ZNF521: variants seen among roughly 807,000 people sequenced by gnomAD.
ZNF521 encodes LYST-interacting protein 3.
Under a neutral mutation model 105.5 loss-of-function variants are expected in ZNF521, and 14 were observed. That is an observed-to-expected ratio of 0.13 (90% CI 0.09 to 0.21). ZNF521 has a LOEUF of 0.21. Among genes scored for constraint, ZNF521 ranks in the 10% least tolerant of loss-of-function variants. The pLI, the probability that ZNF521 is intolerant of heterozygous loss-of-function variation, is 1.00. For synonymous variants in ZNF521, 635 were observed against 606.0 expected (o/e 1.05, Z -0.70); for missense variants, 1,233 against 1,629.7 (o/e 0.76, Z 4.19).
At chr18:25,317,082 C>A (rs1405063082) in intron 3 of ZNF521, among the ~76,000 whole-genome samples, 2 of 152,126 alleles carry the variant, frequency 1.3e-5, no homozygotes, top group African/African-American at 2.4e-5. Context: ...GTCTCAAATT[C>A]CTGACCTCAG....
At chr18:25,277,746 T>C (rs1467065254) in intron 3 of ZNF521, among the ~76,000 whole-genome samples, 1 of 152,214 alleles carries the variant, frequency 6.6e-6, no homozygotes, top group African/African-American at 2.4e-5. Context: ...GAAACATTAC[T>C]AAAGCCACAA....
chr18:25,074,894 C>T (rs2033322897), intron 7 of ZNF521, among the ~76,000 whole-genome samples: 1 of 152,136 alleles, frequency 6.6e-6, no homozygotes, highest in Admixed American at 6.5e-5. Flanking sequence ...TGTGCTGTAG[C>T]TATGGTGAGA....
intron 5 of ZNF521, among the ~76,000 whole-genome samples, chr18:25,145,217 C>T (rs761998663): frequency 2.6e-5 from 4 of 152,176 alleles, no homozygotes; most frequent in South Asian, 2.1e-4. Context: ...CTTAACTACA[C>T]AAAGCCAGTT....
intron 2 of ZNF521, among the ~76,000 whole-genome samples, chr18:25,344,964 C>A (rs1444686000): frequency 6.6e-6 from 1 of 152,180 alleles, no homozygotes; most frequent in Non-Finnish European, 1.5e-5. Context: ...CTTAATTGAT[C>A]TTAGTAGACC....
At chr18:25,096,878 C>A (rs1225649108) in intron 5 of ZNF521, among the ~76,000 whole-genome samples, 1 of 152,164 alleles carries the variant, frequency 6.6e-6, no homozygotes, top group African/African-American at 2.4e-5. Context: ...AAGCTCTGAT[C>A]TGAGTGGGAG....
intron 2 of ZNF521, among the ~76,000 whole-genome samples, chr18:25,334,286 C>G (rs1913751926): frequency 1.3e-5 from 2 of 151,910 alleles, no homozygotes; most frequent in Non-Finnish European, 2.9e-5. Flanking sequence ...TGCCTGAAGT[C>G]AAAAGGAACA....
At chr18:25,327,724 A>T (rs780889472) in intron 2 of ZNF521, 1 of 518,052 alleles carries the variant, frequency 1.9e-6, no homozygotes, top group Admixed American at 1.9e-5. Flanking sequence ...TAGGGGAAAT[A>T]AATCGCACAC....
intron 4 of ZNF521, among the ~76,000 whole-genome samples, chr18:25,215,575 T>A (rs1030099998): frequency 1.4e-4 from 21 of 152,238 alleles, no homozygotes; most frequent in South Asian, 6.2e-4. Context: ...TTTGGCCTAG[T>A]ACCAAAAGGA....
Position 25,108,502 on chromosome 18 carries a change from A to G in ZNF521, c.3659-16421T>C, listed in dbSNP as rs926260661. Among the ~76,000 whole-genome samples, 23 of 152,184 alleles carry G rather than the reference A, an allele frequency of 1.5e-4. 1 individual carries two copies. Among genetic ancestry groups the G allele is most frequent in the African/African-American group, 4.8e-4 (20 of 41,508 alleles). On this transcript the variant is annotated intron_variant, in intron 5 of 7. Transcript: ENST00000361524. ...TATCATTTTGGCAATTTTAGTAATAATAGATATTGGAATTCATAGTTCTTA... is the reference window on the plus strand; with the variant it reads ...TATCATTTTGGCAATTTTAGTAATAGTAGATATTGGAATTCATAGTTCTTA...
At chr18:25,317,044 A>G (rs1912673470) in intron 3 of ZNF521, among the ~76,000 whole-genome samples, 1 of 151,836 alleles carries the variant, frequency 6.6e-6, no homozygotes. Flanking sequence ...TTTAGTAGAG[A>G]CGGGGTTTCA....
rs1012732964 is a variant in ZNF521 at position 25,134,506 on chromosome 18, C to T, written c.3659-42425G>A. On this transcript the variant is annotated intron_variant, in intron 5 of 7. Coordinates refer to ENST00000361524, the MANE Select transcript of ZNF521 (RefSeq NM_015461.3). ...ATTATGATAAAGACAATATTCCCAT[C>T]TGCTTACTCTGCCTTCTACTACCTG... 2.0e-5 allele frequency among the ~76,000 whole-genome samples: 3 copies of T among 152,158 alleles called. No homozygotes were observed. In the South Asian group the frequency reaches 6.2e-4, roughly 32 times the overall value.
intron 4 of ZNF521, among the ~76,000 whole-genome samples, chr18:25,209,795 T>G (rs2036146908): frequency 6.6e-6 from 1 of 152,244 alleles, no homozygotes; most frequent in Non-Finnish European, 1.5e-5. Flanking sequence ...TTTATTTATA[T>G]GCGTTTCTAC....
chr18:25,069,779 A>G (rs746841728), intron 7 of ZNF521, among the ~76,000 whole-genome samples: 2 of 152,176 alleles, frequency 1.3e-5, no homozygotes, highest in Non-Finnish European at 2.9e-5. Context: ...GTTGACTCAT[A>G]ATCTTTACAT....
chr18:25,080,006 T>TTA (rs1261827589), intron 7 of ZNF521, among the ~76,000 whole-genome samples: 2 of 152,176 alleles, frequency 1.3e-5, no homozygotes, highest in Non-Finnish European at 2.9e-5. Context: ...AGGAAGTCTT[T>TTA]TATGGGCGCT....
intron 5 of ZNF521, among the ~76,000 whole-genome samples, chr18:25,164,860 C>G (rs564704427): frequency 1.3e-5 from 2 of 152,298 alleles, no homozygotes; most frequent in East Asian, 3.9e-4. Flanking sequence ...AATAGTTATA[C>G]CCACTGGCGC....
intron 2 of ZNF521, among the ~76,000 whole-genome samples, chr18:25,347,724 C>A (rs1194867041): frequency 6.6e-6 from 1 of 152,186 alleles, no homozygotes; most frequent in Non-Finnish European, 1.5e-5. Context: ...ATAGAAATGT[C>A]CTGGTAATCT....
intron 3 of ZNF521, among the ~76,000 whole-genome samples, chr18:25,279,507 G>C (rs1041806615): frequency 6.6e-6 from 1 of 152,174 alleles, no homozygotes; most frequent in African/African-American, 2.4e-5. Context: ...TTTCCTCTTT[G>C]ATAACCAGTC....
intron 3 of ZNF521, among the ~76,000 whole-genome samples, chr18:25,241,700 G>T (rs1288159974): frequency 6.6e-6 from 1 of 152,012 alleles, no homozygotes; most frequent in African/African-American, 2.4e-5. Context: ...TTATAATGAG[G>T]GGGAAAATGT....
chr18:25,137,832 G>T (rs2144420667), intron 5 of ZNF521, among the ~76,000 whole-genome samples: 1 of 152,282 alleles, frequency 6.6e-6, no homozygotes, highest in East Asian at 1.9e-4. Flanking sequence ...TAGTTAGTAA[G>T]TGGCAAAGCT....
Sources: gnomAD v4.1 joint callset for allele counts (sites outside exome capture counted in the v4.1 genomes callset) on GRCh38, gnomAD v4.1.1 for gene constraint, MANE v1.5 for transcripts, NCBI Gene and HGNC (gene_info 2026-07-23, HGNC 2026-07-21) for gene names.